The following ZFP91 variants were observed in gnomAD, a reference collection of about 807,000 sequenced individuals.
ZFP91 encodes the protein ZFP91 zinc finger protein, atypical E3 ubiquitin ligase.
In ZFP91, 7 loss-of-function variants were observed where a neutral mutation model predicts 63.5. The observed-to-expected ratio is 0.11, with a 90% CI of 0.06 to 0.21. The LOEUF (loss-of-function observed/expected upper bound fraction) is 0.21, where lower values mean the gene tolerates loss of function less well. Ranked by LOEUF, ZFP91 falls within the 10% of genes least tolerant of loss-of-function variation. The pLI, the probability that ZFP91 is intolerant of heterozygous loss-of-function variation, is 1.00. For synonymous variants in ZFP91, 330 were observed against 272.1 expected (o/e 1.21, Z -2.10); for missense variants, 628 against 736.6 (o/e 0.85, Z 1.71).
In ZFP91 at chr11:58,579,419, C is replaced by G; in HGVS notation, c.138C>G (p.Ser46Arg). The stretch of plus-strand genomic sequence containing the variant: ...CGGCGGCGCCTGCAGGGACCACTAG[C>G]AGCCGCGTGCTGAGGGGAGGTCGGG... ...AVAAAPAGTT[S>R]SRVLRGGRDR... is the part of the protein sequence containing the mutation. The change falls in exon 1 of 11, where the codon AGC becomes AGG. Residue 46 changes from serine to arginine, a missense_variant. Around this residue, in one of 3 missense-constraint regions of ZFP91, gnomAD observed 437 missense variants for 380.3 expected, o/e 1.15. Coordinates refer to ENST00000316059, the MANE Select transcript of ZFP91 (RefSeq NM_053023.5). 1.4e-6 allele frequency: 2 copies of G among 1,449,450 alleles called. No homozygotes were observed. The highest frequency in any genetic ancestry group is 2.5e-4 in the Middle Eastern group (1 of 4,030). The allele number at this position is 1,449,450 out of a possible 1,614,324, so 89.8% of individuals were successfully genotyped here. A position where few individuals can be genotyped will look rare whatever the true frequency, so the allele number is the denominator to read the frequency against.
chr11:58,610,298 A>G lies in ZFP91; in HGVS notation c.581A>G (p.Asp194Gly). ...SEPNTDQLDY[D>G]VGEEHQSPGG... ...TTTGTTTTTGGCTTTGTTTTTCTAG[A>G]TGTTGGAGAAGAGCATCAGTCTCCA... The change falls in exon 4 of 11, where the codon GAT becomes GGT. Residue 194 changes from aspartate to glycine, a missense_variant and splice_region_variant. By Grantham distance (94) the Asp-to-Gly change is moderately conservative. This residue lies in a region of ZFP91 where 437 missense variants were observed against 380.3 expected (regional missense o/e 1.15). Coordinates refer to ENST00000316059, the MANE Select transcript of ZFP91 (RefSeq NM_053023.5). 1 of 1,592,728 alleles carries G rather than the reference A, an allele frequency of 6.3e-7. No individual in the cohort carries two copies. Among genetic ancestry groups the G allele is most frequent in the Non-Finnish European group, 8.5e-7 (1 of 1,174,296 alleles).
intron 1 of ZFP91, among the ~76,000 whole-genome samples, chr11:58,583,737 T>G (rs754031555): frequency 7.2e-5 from 11 of 152,090 alleles, no homozygotes; most frequent in Non-Finnish European, 1.5e-4. Flanking sequence ...TAATGTGATT[T>G]AAAATAAAAT....
At chr11:58,588,665 A>G (rs1385010072) in intron 2 of ZFP91, among the ~76,000 whole-genome samples, 2 of 152,116 alleles carry the variant, frequency 1.3e-5, no homozygotes, top group Non-Finnish European at 2.9e-5. Context: ...TGCAACCTCA[A>G]TATAACATTG....
chr11:58,611,988 G>A (rs1024117634), intron 6 of ZFP91: 1 of 526,342 alleles, frequency 1.9e-6, no homozygotes, highest in Non-Finnish European at 3.3e-6. Context: ...GATGATACAT[G>A]GTAGCAACTC....
rs1026973948 is a variant in ZFP91 at position 58,610,134 on chromosome 11, G to T, written c.580+95G>T. Reference sequence around the variant, plus strand: ...TTTGTGTTAACAGCTTAACTGTCAGGGGCAGGTTTGATGGTGTAGGTGGTA... The same window carrying T: ...TTTGTGTTAACAGCTTAACTGTCAGTGGCAGGTTTGATGGTGTAGGTGGTA... On this transcript the variant is annotated intron_variant, in intron 3 of 10. Coordinates refer to ENST00000316059, the MANE Select transcript of ZFP91 (RefSeq NM_053023.5). 8 of 1,492,208 alleles carry T rather than the reference G, an allele frequency of 5.4e-6. No individual in the cohort carries two copies. In the African/African-American group the frequency reaches 9.7e-5, roughly 18 times the overall value. The allele number at this position is 1,492,208 out of a possible 1,614,324, so 92.4% of individuals were successfully genotyped here. A position where few individuals can be genotyped will look rare whatever the true frequency, so the allele number is the denominator to read the frequency against.
rs112569218 is a variant in ZFP91 at position 58,617,830 on chromosome 11, G to C, written c.*124G>C. 2.2e-6 allele frequency: 3 copies of C among 1,336,876 alleles called. No homozygotes were observed. Among genetic ancestry groups the C allele is most frequent in the Admixed American group, 2.8e-5 (1 of 36,002 alleles). 82.8% of individuals were successfully genotyped at this position (1,336,876 alleles called of 1,614,324 possible). The stretch of plus-strand genomic sequence containing the variant: ...AACTGAAGGGCCTGCTCTTTCCATT[G>C]TGGATCACAGCACACACATACATAC... On this transcript the variant is annotated 3_prime_UTR_variant, in exon 11 of 11. Transcript: ENST00000316059. This position sits in a 1 kb window ranked among gnomAD's most constrained non-coding sequence, Gnocchi z 4.2.
rs773192352 is a variant in ZFP91 at position 58,579,617 on chromosome 11, A to G, written c.336A>G (p.Arg112=). The G allele has an allele frequency of 1.3e-6, 2 of 1,565,650 alleles. No homozygotes were observed. Among genetic ancestry groups the G allele is most frequent in the African/African-American group, 2.9e-5 (2 of 69,930 alleles). The stretch of plus-strand genomic sequence containing the variant: ...CAGTTCAGGGCAAGAAGAGTCCGCG[A>G]CTCCTGTGAGTAACAGTCTTTCAGG... ...PSPVQGKKSP[R]LLCIEKVTTD... Residue 112 remains arginine, a synonymous_variant, in exon 1 of 11, where the codon CGA becomes CGG. Coordinates refer to ENST00000316059, the MANE Select transcript of ZFP91 (RefSeq NM_053023.5).
chr11:58,616,890 C>T, intron 10 of ZFP91, 75 bp downstream of exon 10: 127 of 1,374,850 alleles, frequency 9.2e-5, no homozygotes, highest in Non-Finnish European at 1.3e-4. Context: ...GCTTTACAAA[C>T]ATATTAGTTG....
rs1045946136 is a variant in ZFP91 at position 58,619,098 on chromosome 11, A to G, written c.*1392A>G. On this transcript the variant is annotated 3_prime_UTR_variant, in exon 11 of 11. Coordinates refer to ENST00000316059, the MANE Select transcript of ZFP91 (RefSeq NM_053023.5). The stretch of plus-strand genomic sequence containing the variant: ...TGCTGTTAGTGAAGGAACAAAGTCT[A>G]TGAGTCCTAAAATTTTAAGTCAAAG... 1.3e-5 allele frequency: 2 copies of G among 154,936 alleles called. No individual in the cohort carries two copies. Among genetic ancestry groups the G allele is most frequent in the Non-Finnish European group, 2.9e-5 (2 of 69,642 alleles). 9.6% of individuals were successfully genotyped at this position (154,936 alleles called of 1,614,324 possible).
At chr11:58,602,134 G>A (rs1855500584) in intron 2 of ZFP91, among the ~76,000 whole-genome samples, 1 of 152,136 alleles carries the variant, frequency 6.6e-6, no homozygotes, top group South Asian at 2.1e-4. Context: ...TGTTGGCCAG[G>A]CTGATCTCAA....
At chr11:58,588,083 T>A (rs1283357479) in intron 2 of ZFP91, among the ~76,000 whole-genome samples, 1 of 152,166 alleles carries the variant, frequency 6.6e-6, no homozygotes, top group African/African-American at 2.4e-5. Context: ...TAAGACCCCC[T>A]TTTTAAAGAG....
intron 2 of ZFP91, among the ~76,000 whole-genome samples, chr11:58,598,002 T>G (rs1855430475): frequency 6.6e-6 from 1 of 152,138 alleles, no homozygotes; most frequent in African/African-American, 2.4e-5. Flanking sequence ...ACTTCTACTG[T>G]GACAGTAAAT....
At chr11:58,596,808 A>T (rs1291274848) in intron 2 of ZFP91, among the ~76,000 whole-genome samples, 1 of 151,862 alleles carries the variant, frequency 6.6e-6, no homozygotes, top group Non-Finnish European at 1.5e-5. Context: ...AATTTTCTCC[A>T]GCAGGAATTT....
In ZFP91 at chr11:58,621,528, T is replaced by C. The variant is rs1234864950; in HGVS notation, c.*3822T>C. Reference sequence around the variant, plus strand: ...TACATCTCCCATTTATTGTTTACTTTTATAAATTTGCTTCTAAGATGGTAT... The same window carrying C: ...TACATCTCCCATTTATTGTTTACTTCTATAAATTTGCTTCTAAGATGGTAT... On this transcript the variant is annotated 3_prime_UTR_variant, in exon 11 of 11. Coordinates refer to ENST00000316059, the MANE Select transcript of ZFP91 (RefSeq NM_053023.5). Among the ~76,000 whole-genome samples the C allele has an allele frequency of 1.3e-5, 2 of 152,226 alleles. No homozygotes were observed. Among genetic ancestry groups the C allele is most frequent in the Non-Finnish European group, 1.5e-5 (1 of 68,046 alleles).
At chr11:58,581,220 C>T (rs930226987) in intron 1 of ZFP91, among the ~76,000 whole-genome samples, 2 of 145,528 alleles carry the variant, frequency 1.4e-5, no homozygotes, top group African/African-American at 2.5e-5. Context: ...ATGATTTTTT[C>T]ACTCTTTAAT....
At chr11:58,601,578 T>A (rs1855491172) in intron 2 of ZFP91, among the ~76,000 whole-genome samples, 1 of 152,176 alleles carries the variant, frequency 6.6e-6, no homozygotes, top group Non-Finnish European at 1.5e-5. Context: ...CTCTTATGGG[T>A]ATGATGTTAG....
Position 58,611,074 on chromosome 11 carries a change from G to T in ZFP91, c.722+20G>T, listed in dbSNP as rs751150130. The T allele has an allele frequency of 1.3e-6, 2 of 1,599,552 alleles. No individual in the cohort carries two copies. The highest frequency in any genetic ancestry group is 2.7e-5 in the African/African-American group (2 of 74,612). On this transcript the variant is annotated intron_variant, in intron 5 of 10. Transcript: ENST00000316059. ...AGAAAGGCATGTCTCAGATTTTACT[G>T]CAGACATGTTAATGAAATATAAGTA... is the stretch of plus-strand genomic sequence containing the variant.
chr11:58,582,064 A>G (rs1033412905), intron 1 of ZFP91, among the ~76,000 whole-genome samples: 3 of 152,222 alleles, frequency 2.0e-5, no homozygotes, highest in African/African-American at 7.2e-5. Flanking sequence ...AATCAGAGGA[A>G]TGCTAAAGCA....
In ZFP91 at chr11:58,610,953, TGAAGAG is replaced by T. The variant is rs773606671; in HGVS notation, c.630_635del (p.Glu215_Glu216del). On this transcript the variant is annotated inframe_deletion, in exon 5 of 11. Transcript: ENST00000316059. ...ATTTCTATTTACTTATTTTTAGTAG[TGAAGAG>T]GAAGAGGAGGAGGAAGAAGAGATGT... 3 of 1,610,616 alleles carry T rather than the reference TGAAGAG, an allele frequency of 1.9e-6. No individual in the cohort carries two copies. Among genetic ancestry groups the T allele is most frequent in the East Asian group, 4.5e-5 (2 of 44,736 alleles).
Sources: allele counts gnomAD v4.1 joint callset (sites outside exome capture counted in the v4.1 genomes callset), GRCh38; gene constraint gnomAD v4.1.1; regional missense constraint gnomAD v4.1.1; non-coding constraint Gnocchi (gnomAD v3.1); transcripts MANE v1.5; gene names NCBI Gene and HGNC (gene_info 2026-07-23, HGNC 2026-07-21).